DPM1: variants seen among roughly 807,000 people sequenced by gnomAD.
The protein encoded by DPM1 is dolichol-phosphate mannosyltransferase subunit 1.
DPM1 carries 27 observed loss-of-function variants against 39.0 expected under a neutral mutation model. The ratio of observed to expected loss-of-function variants is 0.69; its 90% CI spans 0.51 to 0.95. The LOEUF is 0.95. Ranked by LOEUF, DPM1 falls within the 40% of genes least tolerant of loss-of-function variation. The pLI is 0.00. For synonymous variants in DPM1, 124 were observed against 109.0 expected (o/e 1.14, Z -0.86); for missense variants, 307 against 315.6 (o/e 0.97, Z 0.21).
At position 50,942,022 on chromosome 20, in the gene DPM1, T is replaced by C. The variant is rs774832271; in HGVS notation, c.494+9A>G. The C allele has an allele frequency of 3.1e-5, 49 of 1,606,126 alleles. No individual in the cohort carries two copies. Among genetic ancestry groups the C allele is most frequent in the Non-Finnish European group, 3.9e-5 (46 of 1,172,828 alleles). ...ATACTAATAAAGAAGTTGTAACACA[T>C]GTACCTACCTGATTATTTTTCTTTT... On this transcript the variant is annotated intron_variant, in intron 6 of 8. Coordinates refer to ENST00000371588, the MANE Select transcript of DPM1 (RefSeq NM_003859.3).
intron 1 of DPM1, among the ~76,000 whole-genome samples, chr20:50,956,799 G>A (rs1986845052): frequency 6.6e-6 from 1 of 152,122 alleles, no homozygotes; most frequent in South Asian, 2.1e-4. Context: ...AAACAAAATG[G>A]GGTCGTTAAA....
Position 50,942,071 on chromosome 20 carries a change from C to T in DPM1, c.454G>A (p.Gly152Arg). 6.2e-7 allele frequency: 1 copy of T among 1,614,168 alleles called. No individual in the cohort carries two copies. The highest frequency in any genetic ancestry group is 8.5e-7 in the Non-Finnish European group (1 of 1,180,022). Reference sequence around the variant, plus strand: ...TTCAAATCCCAGCCATATACACCTCCATTTCCTTTGTAGCGAGTTCCAGAG... The same window carrying T: ...TTCAAATCCCAGCCATATACACCTCTATTTCCTTTGTAGCGAGTTCCAGAG... ...IVSGTRYKGNGGVYGWDLKRK... is the reference protein window; with the variant it reads ...IVSGTRYKGNRGVYGWDLKRK... Residue 152 changes from glycine to arginine, a missense_variant, in exon 6 of 9, where the codon GGA (glycine) becomes AGA (arginine). Physicochemically the swap from Gly to Arg is moderately radical, Grantham distance 125. Transcript: ENST00000371588.
chr20:50,955,914 A>C (rs1465809709), intron 1 of DPM1, among the ~76,000 whole-genome samples: 1 of 152,186 alleles, frequency 6.6e-6, no homozygotes. Context: ...CTTAATAGCA[A>C]ATCTTAGTTA....
chr20:50,957,231 C>T (rs992442377), intron 1 of DPM1, among the ~76,000 whole-genome samples: 2 of 152,148 alleles, frequency 1.3e-5, no homozygotes, highest in African/African-American at 4.8e-5. Flanking sequence ...TGAGTACTTC[C>T]AACAATGTTA....
intron 2 of DPM1, among the ~76,000 whole-genome samples, chr20:50,950,733 AGTG>A (rs1986529717): frequency 6.6e-6 from 1 of 152,074 alleles, no homozygotes; most frequent in Non-Finnish European, 1.5e-5. Flanking sequence ...AGCCAGGTGT[AGTG>A]GCACGTGCCT....
At chr20:50,946,582 C>A (rs1192437870) in intron 3 of DPM1, among the ~76,000 whole-genome samples, 1 of 152,220 alleles carries the variant, frequency 6.6e-6, no homozygotes, top group Non-Finnish European at 1.5e-5. Context: ...GTACGCTAGA[C>A]CCTTGCTCTG....
At chr20:50,940,838 T>C (rs753155913) in intron 7 of DPM1, 27 bp downstream of exon 7, 1 of 1,550,378 alleles carries the variant, frequency 6.5e-7, no homozygotes, top group Admixed American at 1.7e-5. Context: ...AGAAGTTATA[T>C]AAAAGTAGTG....
In DPM1 at chr20:50,935,067, T is replaced by A. The variant is rs937212121; in HGVS notation, c.*65A>T. On this transcript the variant is annotated 3_prime_UTR_variant, in exon 9 of 9. Coordinates refer to ENST00000371588, the MANE Select transcript of DPM1 (RefSeq NM_003859.3). The stretch of plus-strand genomic sequence containing the variant: ...ACTTTAAGAGTACATTTTATACAAA[T>A]CAGTAACCAGGCTTCTTTCATGTTT... 1 of 957,066 alleles carries A rather than the reference T, an allele frequency of 1.0e-6. No individual in the cohort carries two copies. The highest frequency in any genetic ancestry group is 2.4e-5 in the East Asian group (1 of 41,764). 59.3% of individuals were successfully genotyped at this position (957,066 alleles called of 1,614,324 possible).
At chr20:50,943,957 G>A (rs1172537537) in intron 5 of DPM1, among the ~76,000 whole-genome samples, 1 of 149,722 alleles carries the variant, frequency 6.7e-6, no homozygotes, top group Non-Finnish European at 1.5e-5. Context: ...CACCAGGATG[G>A]TCTCGATCTC....
Position 50,955,213 on chromosome 20 carries a change from C to A in DPM1, c.234G>T (p.Leu78Phe). Residue 78 changes from leucine (L) to phenylalanine (F), a missense_variant, in exon 2 of 9, where the codon TTG becomes TTT. Coordinates refer to ENST00000371588, the MANE Select transcript of DPM1 (RefSeq NM_003859.3). ...PDGTRDVAEQ[L>F]EKIYGSDRIL... Reference sequence around the variant, plus strand: ...TTCTGTCTGACCCATAGATCTTCTCCAACTGTTCAGCAACATCCCTTGTTC... The same window carrying A: ...TTCTGTCTGACCCATAGATCTTCTCAAACTGTTCAGCAACATCCCTTGTTC... The A allele has an allele frequency of 1.9e-6, 3 of 1,613,016 alleles. No individual in the cohort carries two copies. The highest frequency in any genetic ancestry group is 2.5e-6 in the Non-Finnish European group (3 of 1,179,664).
At position 50,955,294 on chromosome 20, in the gene DPM1, A is replaced by G. The variant is rs1354484056; in HGVS notation, c.162-9T>C. ...TTTCATAGTTGATTCCACTAAAAAA[A>G]TTAAATTTGTATTAATGACTGATGA... On this transcript the variant is annotated splice_polypyrimidine_tract_variant and intron_variant, in intron 1 of 8. Transcript: ENST00000371588. 1.3e-6 allele frequency: 2 copies of G among 1,592,180 alleles called. No individual in the cohort carries two copies. Among genetic ancestry groups the G allele is most frequent in the Middle Eastern group, 3.3e-4 (2 of 6,014 alleles).
chr20:50,956,293 T>C (rs1367985757), intron 1 of DPM1, among the ~76,000 whole-genome samples: 1 of 152,152 alleles, frequency 6.6e-6, no homozygotes, highest in Non-Finnish European at 1.5e-5. Context: ...CGTTTTCTCT[T>C]GGTCCTGCTT....
chr20:50,957,534 C>A (rs1287866646), intron 1 of DPM1, among the ~76,000 whole-genome samples: 1 of 152,016 alleles, frequency 6.6e-6, no homozygotes, highest in Non-Finnish European at 1.5e-5. Context: ...TTGTTCTCAT[C>A]GACAAAGCAA....
intron 1 of DPM1, among the ~76,000 whole-genome samples, chr20:50,956,553 A>T (rs1248590741): frequency 6.6e-6 from 1 of 152,058 alleles, no homozygotes; most frequent in African/African-American, 2.4e-5. Flanking sequence ...AAAGAAAAAG[A>T]AAAAAGAAAC....
At chr20:50,940,748 CT>C in intron 7 of DPM1, 116 bp downstream of exon 7, 1 of 882,914 alleles carries the variant, frequency 1.1e-6, no homozygotes, top group South Asian at 1.4e-5. Context: ...TTTAGTCTGC[CT>C]TTTTAGTATC....
chr20:50,936,127 T>C, intron 8 of DPM1, 21 bp downstream of exon 8: 2 of 1,530,472 alleles, frequency 1.3e-6, no homozygotes, highest in Non-Finnish European at 1.8e-6. Context: ...CATGACACAC[T>C]ATTTAGCATC....
At position 50,941,183 on chromosome 20, in the gene DPM1, C is replaced by G. The variant is rs777715669; in HGVS notation, c.495-250G>C. The G allele has an allele frequency of 1.1e-5, 4 of 379,878 alleles. No individual in the cohort carries two copies. The South Asian group carries it at 2.6e-4, about 24-fold the overall frequency. 23.5% of individuals were successfully genotyped at this position (379,878 alleles called of 1,614,324 possible). Reference sequence around the variant, plus strand: ...ATCACTTGAGCCCAGGAGTGACCAGCCTGGGCAACATGGCAAAACTCCATC... The same window carrying G: ...ATCACTTGAGCCCAGGAGTGACCAGGCTGGGCAACATGGCAAAACTCCATC... On this transcript the variant is annotated intron_variant, in intron 6 of 8. Coordinates refer to ENST00000371588, the MANE Select transcript of DPM1 (RefSeq NM_003859.3).
intron 7 of DPM1, among the ~76,000 whole-genome samples, chr20:50,939,928 C>T (rs572314646): frequency 1.3e-5 from 2 of 152,304 alleles, no homozygotes; most frequent in Admixed American, 6.5e-5. Context: ...AACGCCCATC[C>T]GCAATCAGAG....
chr20:50,942,255 C>T, intron 5 of DPM1, 129 bp from the exon 6 acceptor site: 1 of 828,712 alleles, frequency 1.2e-6, no homozygotes, highest in Non-Finnish European at 2.0e-6. Context: ...CGCCTGCAAT[C>T]CTAGCACTTT....
Sources: gnomAD v4.1 joint callset for allele counts (sites outside exome capture counted in the v4.1 genomes callset) on GRCh38, gnomAD v4.1.1 for gene constraint, MANE v1.5 for transcripts, NCBI Gene and HGNC (gene_info 2026-07-23, HGNC 2026-07-21) for gene names.